The following ALOX15B variants were observed in gnomAD, a reference collection of about 807,000 sequenced individuals.
The protein encoded by ALOX15B is arachidonate 15-lipoxygenase type B, also known as polyunsaturated fatty acid lipoxygenase ALOX15B.
Under a neutral mutation model 73.8 loss-of-function variants are expected in ALOX15B, and 74 were observed. That is an observed-to-expected ratio of 1.00 (90% confidence interval 0.83 to 1.22). ALOX15B has a LOEUF of 1.22. Among genes scored for constraint, ALOX15B ranks in the 50% most tolerant of loss-of-function variants. The probability of loss-of-function intolerance (pLI) is 0.00; values close to 1 mark genes in which losing one functional copy is unlikely to be tolerated. For missense variants in ALOX15B, 896 were observed against 859.9 expected, an observed-to-expected ratio of 1.04 and a Z score of -0.52; for synonymous variants, 353 against 357.2, an observed-to-expected ratio of 0.99 and a Z score of 0.13.
chr17:8,042,733 T>C (rs1018162859), intron 4 of ALOX15B, 48 bp from the exon 5 acceptor site: 1 of 1,499,862 alleles, frequency 6.7e-7, no homozygotes, highest in Admixed American at 2.0e-5. Flanking sequence ...CAGGGAAGGG[T>C]CTCCCAGGGC....
intron 6 of ALOX15B, 79 bp from the exon 7 acceptor site, chr17:8,045,157 CCT>C: frequency 1.2e-6 from 2 of 1,604,972 alleles, no homozygotes; most frequent in South Asian, 2.2e-5. Context: ...CTCTCCCAGC[CCT>C]GAATCCTCTC....
chr17:8,045,844 C>T (rs544747312), intron 8 of ALOX15B, among the ~76,000 whole-genome samples, 158 bp downstream of exon 8: 34 of 152,308 alleles, frequency 2.2e-4, no homozygotes, highest in Non-Finnish European at 2.9e-5. Context: ...AGCCTGCTAT[C>T]CAGCAGGCCC....
In ALOX15B at chr17:8,039,767, C is replaced by G. The variant is rs982888620; in HGVS notation, c.368-135C>G. The G allele has an allele frequency of 5.9e-6, 7 of 1,187,402 alleles. No individual in the cohort carries two copies. The Admixed American group carries it at 1.7e-4, about 29-fold the overall frequency. 73.6% of individuals were successfully genotyped at this position (1,187,402 alleles called of 1,614,324 possible). A position where few individuals can be genotyped will look rare whatever the true frequency, so the allele number is the denominator to read the frequency against. On this transcript the variant is annotated intron_variant, in intron 2 of 13. Coordinates refer to ENST00000380183, the MANE Select transcript of ALOX15B (RefSeq NM_001141.3). ...CGGAGCCTTGGGGAGCGGGAGGTAG[C>G]AGCCTGGTGTAGGAGAAACTGTACT...
At chr17:8,042,535 T>A (rs1976490683) in intron 4 of ALOX15B, 44 bp downstream of exon 4, 2 of 1,604,858 alleles carry the variant, frequency 1.2e-6, no homozygotes, top group Non-Finnish European at 1.7e-6. Context: ...TCAGATGCCC[T>A]ATGACCTCTG....
intron 4 of ALOX15B, 68 bp from the exon 5 acceptor site, chr17:8,042,712 AG>A: frequency 1.4e-6 from 2 of 1,446,214 alleles, no homozygotes; most frequent in East Asian, 4.9e-5. Context: ...AAGAGGCATA[AG>A]GCTGGCTGAC....
At position 8,042,788 on chromosome 17, in the gene ALOX15B, G is replaced by A. The variant is rs868821090; in HGVS notation, c.580G>A (p.Glu194Lys). The A allele has an allele frequency of 6.4e-7, 1 of 1,557,332 alleles. No individual in the cohort carries two copies. The highest frequency in any genetic ancestry group is 1.9e-5 in the Admixed American group (1 of 51,470). The change falls in exon 5 of 14, where the codon GAG becomes AAG. Residue 194 changes from glutamate (E) to lysine (K), a missense_variant. Coordinates refer to ENST00000380183, the MANE Select transcript of ALOX15B (RefSeq NM_001141.3). ...CCTCACATCCCCTGGCAGTTTTGCA[G>A]AGATGAAAATCAAGGGGTTGCTGGA... ...FYLQAGSAFA[E>K]MKIKGLLDRK... is the part of the protein sequence containing the mutation.
intron 8 of ALOX15B, among the ~76,000 whole-genome samples, chr17:8,046,359 C>T (rs899792942): frequency 6.6e-6 from 1 of 152,214 alleles, no homozygotes; most frequent in Non-Finnish European, 1.5e-5. Context: ...CTAGTGCCTT[C>T]CCTGCCTAGG....
At chr17:8,039,726 AGAG>A in intron 2 of ALOX15B, 121 bp downstream of exon 2, 1 of 1,228,266 alleles carries the variant, frequency 8.1e-7, no homozygotes, top group Non-Finnish European at 1.1e-6. Context: ...AGTAGCGGGC[AGAG>A]GAGAGGGAAT....
At chr17:8,042,606 C>A in intron 4 of ALOX15B, 115 bp downstream of exon 4, 1 of 1,460,136 alleles carries the variant, frequency 6.8e-7, no homozygotes, top group Non-Finnish European at 9.4e-7. Context: ...ATAGTCCTGC[C>A]CAGGAAACAG....
At position 8,047,018 on chromosome 17, in the gene ALOX15B, GACATCCCAGGCTACT is replaced by G; in HGVS notation, c.1402_1416del (p.Ile468_Tyr472del). The G allele has an allele frequency of 1.9e-6, 3 of 1,614,070 alleles. No individual in the cohort carries two copies. The South Asian group carries it at 3.3e-5, about 18-fold the overall frequency. ...GGATATCCGGACCCGAGGAGTTGAA[GACATCCCAGGCTACT>G]ACTACCGTGATGATGGGATGCAGAT... On this transcript the variant is annotated inframe_deletion, in exon 10 of 14. Coordinates refer to ENST00000380183, the MANE Select transcript of ALOX15B (RefSeq NM_001141.3).
chr17:8,040,182 G>A (rs1433380127), intron 3 of ALOX15B, among the ~76,000 whole-genome samples, 199 bp downstream of exon 3: 1 of 152,196 alleles, frequency 6.6e-6, no homozygotes, highest in Non-Finnish European at 1.5e-5. Context: ...CACTGAGGGT[G>A]TAGAGTGGGA....
intron 8 of ALOX15B, among the ~76,000 whole-genome samples, chr17:8,046,398 G>A (rs867821242): frequency 2.0e-5 from 3 of 152,176 alleles, no homozygotes; most frequent in Admixed American, 6.5e-5. Flanking sequence ...TGCCAGAGCC[G>A]GAAGACACAG....
intron 5 of ALOX15B, among the ~76,000 whole-genome samples, chr17:8,044,107 GGAAGGA>G (rs1276311609): frequency 1.1e-5 from 1 of 94,590 alleles, no homozygotes; most frequent in African/African-American, 4.2e-5. Flanking sequence ...GAGAGAGAGA[GGAAGGA>G]AGGAAGGAAG....
In ALOX15B at chr17:8,047,637, C is replaced by G. The variant is rs1370591667; in HGVS notation, c.1653C>G (p.Ala551=). ...YVTMVIFTCS[A]KHAAVSAGQF... ...CCATGGTGATATTCACCTGCTCCGC[C>G]AAGCATGCGGCTGTCAGTGCAGGGC... The change falls in exon 12 of 14, where the codon GCC becomes GCG. Residue 551 remains alanine, a synonymous_variant. Transcript: ENST00000380183. The G allele has an allele frequency of 6.2e-7, 1 of 1,611,600 alleles. No homozygotes were observed. The highest frequency in any genetic ancestry group is 8.5e-7 in the Non-Finnish European group (1 of 1,178,904).
chr17:8,042,768 C>T lies in ALOX15B; in HGVS notation c.573-13C>T, dbSNP rs1455803885. ...CCTCCTCCCCACTCCCCACCCCTCACATCCCCTGGCAGTTTTGCAGAGATG... is the reference window on the plus strand; with the variant it reads ...CCTCCTCCCCACTCCCCACCCCTCATATCCCCTGGCAGTTTTGCAGAGATG... On this transcript the variant is annotated splice_polypyrimidine_tract_variant and intron_variant, in intron 4 of 13. Coordinates refer to ENST00000380183, the MANE Select transcript of ALOX15B (RefSeq NM_001141.3). 6.5e-7 allele frequency: 1 copy of T among 1,550,360 alleles called. No individual in the cohort carries two copies. Among genetic ancestry groups the T allele is most frequent in the East Asian group, 2.4e-5 (1 of 41,580 alleles).
intron 7 of ALOX15B, 47 bp from the exon 8 acceptor site, chr17:8,045,436 T>C (rs745739153): frequency 1.9e-6 from 3 of 1,613,660 alleles, no homozygotes; most frequent in Non-Finnish European, 1.7e-6. Flanking sequence ...AGGAGAATGG[T>C]TGGAAGACAC....
rs201793818 is a variant in ALOX15B, at chr17:8,039,457, C to T, written c.219C>T (p.Pro73=). ...TGCTGCTGCGCGTGCACAAGGCGCC[C>T]CCAGTGCTGCCCCTGCTGGGGCCCC... ...RVLLLRVHKA[P]PVLPLLGPLA... The change falls in exon 2 of 14, where the codon CCC becomes CCT. Residue 73 remains proline (P), a synonymous_variant. Transcript: ENST00000380183. The T allele has an allele frequency of 1.8e-5, 29 of 1,605,972 alleles. No homozygotes were observed. The East Asian group carries it at 5.6e-4, about 31-fold the overall frequency.
intron 8 of ALOX15B, among the ~76,000 whole-genome samples, chr17:8,046,309 G>A (rs1421365539): frequency 1.3e-5 from 2 of 152,218 alleles, no homozygotes; most frequent in African/African-American, 4.8e-5. Context: ...GGGCTCTGGT[G>A]GACGGCTCCA....
intron 3 of ALOX15B, among the ~76,000 whole-genome samples, chr17:8,040,590 A>G (rs1230464251): frequency 8.1e-6 from 1 of 124,218 alleles, no homozygotes; most frequent in East Asian, 2.2e-4. Flanking sequence ...GGAAAGAGAG[A>G]AAGAAAGAGA....
Sources: gnomAD v4.1 joint callset for allele counts (sites outside exome capture counted in the v4.1 genomes callset) on GRCh38, gnomAD v4.1.1 for gene constraint, MANE v1.5 for transcripts, NCBI Gene and HGNC (gene_info 2026-07-23, HGNC 2026-07-21) for gene names.